Variants in SLC5A11 observed in about 807,000 individuals in gnomAD.
SLC5A11 encodes sodium/myo-inositol cotransporter 2.
In SLC5A11, 48 loss-of-function variants were observed where a neutral mutation model predicts 69.8. That is an observed-to-expected ratio of 0.69 (90% CI 0.55 to 0.87). The LOEUF is 0.87. Ranked by LOEUF, SLC5A11 falls within the 40% of genes least tolerant of loss-of-function variation. The pLI, the probability that SLC5A11 is intolerant of heterozygous loss-of-function variation, is 0.00. For missense variants in SLC5A11, 784 were observed against 866.1 expected, an observed-to-expected ratio of 0.91 and a Z score of 1.19; for synonymous variants, 319 against 342.4, an observed-to-expected ratio of 0.93 and a Z score of 0.75.
At position 24,873,247 on chromosome 16, in the gene SLC5A11, GAGGAAGGAAGGAAGGAAGGA is replaced by G. The variant is rs549215226; in HGVS notation, c.372+1066_372+1085del. Among the ~76,000 whole-genome samples the G allele has an allele frequency of 4.4e-3, 442 of 101,486 alleles. 6 individuals carry two copies. The highest frequency in any genetic ancestry group is 0.014 in the African/African-American group (356 of 25,834). 66.6% of individuals were successfully genotyped at this position (101,486 alleles called of 152,430 possible). A position where few individuals can be genotyped will look rare whatever the true frequency, so the allele number is the denominator to read the frequency against. On this transcript the variant is annotated intron_variant, in intron 5 of 15. Transcript: ENST00000347898. ...AAAGGAAGGAATGGAGAGAGGGAGGGAGGAAGGAAGGAAGGAAGGAAGGAAGGAAGGAAGGAAGGAAGGAA... is the reference window on the plus strand; with the variant it reads ...AAAGGAAGGAATGGAGAGAGGGAGGGAGGAAGGAAGGAAGGAAGGAAGGAA...
At chr16:24,873,214 GAAGA>G (rs1318484977) in intron 5 of SLC5A11, among the ~76,000 whole-genome samples, 6 of 142,784 alleles carry the variant, frequency 4.2e-5, no homozygotes, top group African/African-American at 7.8e-5. Context: ...AAGAAGGAAG[GAAGA>G]GAGAAAGGAA....
intron 4 of SLC5A11, among the ~76,000 whole-genome samples, chr16:24,871,283 T>C (rs1205466135): frequency 1.3e-5 from 2 of 152,124 alleles, no homozygotes; most frequent in East Asian, 3.9e-4. Flanking sequence ...TTTTGTTTTG[T>C]TTTTTGAGAC....
chr16:24,870,812 TGAA>T (rs2047249181), intron 4 of SLC5A11, among the ~76,000 whole-genome samples: 1 of 142,968 alleles, frequency 7.0e-6, no homozygotes, highest in African/African-American at 2.6e-5. Context: ...AAAGGGTGTG[TGAA>T]GAAGAGGGCT....
In SLC5A11 at chr16:24,859,751, CATA is replaced by C. The variant is rs575436045; in HGVS notation, c.135+977_135+979del. ...ACATTCCTTATCTTCTTAAAAGTTGCATAATATTTCCTTAGATGATTGTGTTGT... is the reference window on the plus strand; with the variant it reads ...ACATTCCTTATCTTCTTAAAAGTTGCATATTTCCTTAGATGATTGTGTTGT... On this transcript the variant is annotated intron_variant, in intron 2 of 15. Transcript: ENST00000347898. Among the ~76,000 whole-genome samples the C allele has an allele frequency of 1.1e-3, 169 of 152,274 alleles. 1 individual carries two copies. Among genetic ancestry groups the C allele is most frequent in the African/African-American group, 3.9e-3 (162 of 41,558 alleles).
chr16:24,847,760 T>G (rs1463050734), intron 1 of SLC5A11, among the ~76,000 whole-genome samples: 1 of 152,248 alleles, frequency 6.6e-6, no homozygotes, highest in African/African-American at 2.4e-5. Context: ...GGAAAAATGC[T>G]GTCCCTTTTT....
chr16:24,864,767 A>G (rs1019437761), intron 3 of SLC5A11, among the ~76,000 whole-genome samples: 1 of 152,234 alleles, frequency 6.6e-6, no homozygotes, highest in Non-Finnish European at 1.5e-5. Flanking sequence ...GAAAAGTATG[A>G]GAACAATGTT....
At chr16:24,897,822 G>A in intron 9 of SLC5A11, 152 bp from the exon 11 acceptor site, 2 of 955,722 alleles carry the variant, frequency 2.1e-6, no homozygotes. Flanking sequence ...ACAGTATGGA[G>A]GAAACTGCCC....
rs1316015629 is a variant in SLC5A11 at position 24,906,599 on chromosome 16, TGGGCCTG to T, written c.1007-53_1007-47del. ...AGCCTGTGTCCGGCCCCATGTTGCCTGGGCCTGGGGCTCTGGGGGCCTGACTGCTCAC... is the reference window on the plus strand; with the variant it reads ...AGCCTGTGTCCGGCCCCATGTTGCCTGGGCTCTGGGGGCCTGACTGCTCAC... On this transcript the variant is annotated intron_variant, in intron 10 of 15. Coordinates refer to ENST00000347898, the Ensembl canonical transcript of SLC5A11. 3 of 1,155,244 alleles carry T rather than the reference TGGGCCTG, an allele frequency of 2.6e-6. No homozygotes were observed. In the Admixed American group the frequency reaches 6.8e-5, roughly 26 times the overall value. 71.6% of individuals were successfully genotyped at this position (1,155,244 alleles called of 1,614,324 possible).
At chr16:24,885,865 A>G (rs955257594) in intron 8 of SLC5A11, among the ~76,000 whole-genome samples, 2 of 151,970 alleles carry the variant, frequency 1.3e-5, no homozygotes, top group Non-Finnish European at 2.9e-5. Flanking sequence ...GGACAAACTG[A>G]GGTGAAGGGA....
chr16:24,897,211 C>T (rs1304399124), intron 9 of SLC5A11, among the ~76,000 whole-genome samples: 1 of 152,054 alleles, frequency 6.6e-6, no homozygotes, highest in Non-Finnish European at 1.5e-5. Context: ...GCTTTGGCCT[C>T]CCAAAGTGCT....
chr16:24,865,664 C>T (rs1410026214), intron 3 of SLC5A11, among the ~76,000 whole-genome samples: 1 of 151,944 alleles, frequency 6.6e-6, no homozygotes, highest in Non-Finnish European at 1.5e-5. Flanking sequence ...TAATGTTGAG[C>T]AAAACTATCC....
intron 8 of SLC5A11, among the ~76,000 whole-genome samples, chr16:24,886,777 C>G (rs2048429839): frequency 6.6e-6 from 1 of 152,068 alleles, no homozygotes; most frequent in South Asian, 2.1e-4. Flanking sequence ...AGCAAGACCC[C>G]ACTCTATGAA....
chr16:24,855,604 T>TA (rs977634795), intron 1 of SLC5A11, among the ~76,000 whole-genome samples: 10 of 151,512 alleles, frequency 6.6e-5, no homozygotes, highest in Non-Finnish European at 1.5e-4. Flanking sequence ...CTTGTCTCTT[T>TA]AAAAAAAGAG....
Position 24,894,757 on chromosome 16 carries a change from G to A in SLC5A11, c.871-3217G>A, listed in dbSNP as rs561075575. Among the ~76,000 whole-genome samples the A allele has an allele frequency of 3.3e-5, 5 of 151,382 alleles. No individual in the cohort carries two copies. The East Asian group carries it at 7.8e-4, about 24-fold the overall frequency. On this transcript the variant is annotated intron_variant, in intron 9 of 15. Transcript: ENST00000347898. ...GGAGCTTGCAGTGAACCCGGATCGC[G>A]CCACTGCACTCCAGCCTGGGTGACA...
At chr16:24,872,437 C>T (rs139711245) in intron 5 of SLC5A11, among the ~76,000 whole-genome samples, 212 of 152,258 alleles carry the variant, frequency 1.4e-3, no homozygotes, top group African/African-American at 4.5e-3. Context: ...ATCCAAGGCA[C>T]ACAGAAGGCA....
intron 1 of SLC5A11, among the ~76,000 whole-genome samples, chr16:24,856,451 T>A (rs1051804930): frequency 2.0e-5 from 3 of 151,636 alleles, no homozygotes; most frequent in Admixed American, 1.3e-4. Context: ...AGGGAAACCT[T>A]GTCTCTTAAA....
chr16:24,862,311 C>A lies in SLC5A11; in HGVS notation c.136-290C>A, dbSNP rs141931826. ...GGTATCAGTTATAAAACATCATAAA[C>A]AAGCCATGAGCCTAAGACTCAAATG... On this transcript the variant is annotated intron_variant, in intron 2 of 15. Transcript: ENST00000347898. 2.2e-4 allele frequency among the ~76,000 whole-genome samples: 33 copies of A among 152,292 alleles called. No individual in the cohort carries two copies. The East Asian group carries it at 5.8e-3, about 27-fold the overall frequency.
intron 4 of SLC5A11, among the ~76,000 whole-genome samples, chr16:24,871,077 A>G (rs1283460529): frequency 6.6e-6 from 1 of 152,128 alleles, no homozygotes; most frequent in African/African-American, 2.4e-5. Flanking sequence ...ATAATGTCCA[A>G]TATTTTTGGA....
intron 1 of SLC5A11, among the ~76,000 whole-genome samples, chr16:24,853,132 C>A (rs1392409761): frequency 6.6e-6 from 1 of 150,834 alleles, no homozygotes; most frequent in African/African-American, 2.4e-5. Flanking sequence ...TCCCCAGGGT[C>A]TAGCACAGAA....
Sources: allele counts gnomAD v4.1 joint callset (sites outside exome capture counted in the v4.1 genomes callset), GRCh38; gene constraint gnomAD v4.1.1; transcripts MANE v1.5; gene names NCBI Gene and HGNC (gene_info 2026-07-23, HGNC 2026-07-21).